The following TTC13 variants were observed in gnomAD, a reference collection of about 807,000 sequenced individuals.
TTC13 encodes the protein tetratricopeptide repeat domain 13, also known as tetratricopeptide repeat protein 13.
A neutral mutation model predicts 120.0 loss-of-function variants in TTC13; 62 were observed. The ratio of observed to expected loss-of-function variants is 0.52; its 90% CI spans 0.42 to 0.64. The LOEUF (loss-of-function observed/expected upper bound fraction) is 0.64, where lower values mean the gene tolerates loss of function less well. Among genes scored for constraint, TTC13 ranks in the 30% least tolerant of loss-of-function variants. The pLI is 0.00. For missense variants in TTC13, 824 were observed against 1,050.2 expected, an observed-to-expected ratio of 0.78 and a Z score of 2.98; for synonymous variants, 384 against 393.5, an observed-to-expected ratio of 0.98 and a Z score of 0.28.
chr1:230,978,816 G>C lies in TTC13; in HGVS notation c.15C>G (p.Gly5=). 2.0e-6 allele frequency: 3 copies of C among 1,482,582 alleles called. No individual in the cohort carries two copies. Among genetic ancestry groups the C allele is most frequent in the Non-Finnish European group, 2.7e-6 (3 of 1,127,058 alleles). The allele number at this position is 1,482,582 out of a possible 1,614,324, so 91.8% of individuals were successfully genotyped here. MAPA[G]CCCCCCFWGG... ...CCCAGAAGCAGCAGCAGCAGCAGCA[G>C]CCGGCAGGTGCCATCTTCCCTCAAG... The change falls in exon 1 of 23, where the codon GGC becomes GGG. Residue 5 remains glycine, a synonymous_variant. Coordinates refer to ENST00000366661, the MANE Select transcript of TTC13 (RefSeq NM_024525.5). The surrounding 1 kb of genome is among the most constrained non-coding windows in gnomAD (Gnocchi z 5.6).
chr1:230,911,947 T>C (rs1307256194), intron 19 of TTC13, among the ~76,000 whole-genome samples: 2 of 152,206 alleles, frequency 1.3e-5, no homozygotes, highest in Admixed American at 1.3e-4. Flanking sequence ...CTACTCCGCA[T>C]TGAGATTTGG....
At chr1:230,935,160 T>C (rs1673925309) in intron 8 of TTC13, among the ~76,000 whole-genome samples, 1 of 152,244 alleles carries the variant, frequency 6.6e-6, no homozygotes, top group African/African-American at 2.4e-5. Flanking sequence ...CTTCTTGCCA[T>C]GGTGTAACCT....
chr1:230,909,298 G>GT (rs1671253174), intron 20 of TTC13, among the ~76,000 whole-genome samples: 1 of 152,020 alleles, frequency 6.6e-6, no homozygotes, highest in South Asian at 2.1e-4. Context: ...GAGGTCAGGA[G>GT]TTTGACAGCA....
At chr1:230,930,065 G>T (rs1229285428) in intron 11 of TTC13, among the ~76,000 whole-genome samples, 1 of 152,168 alleles carries the variant, frequency 6.6e-6, no homozygotes, top group Non-Finnish European at 1.5e-5. Context: ...TTCAGTGCAT[G>T]TGGAACAACT....
intron 17 of TTC13, among the ~76,000 whole-genome samples, chr1:230,917,340 G>A (rs1672129284): frequency 6.6e-6 from 1 of 152,242 alleles, no homozygotes; most frequent in Non-Finnish European, 1.5e-5. Context: ...GTCCCAGCCA[G>A]CAGGGAAGCC....
intron 6 of TTC13, among the ~76,000 whole-genome samples, chr1:230,941,476 A>T (rs1378863179): frequency 6.6e-6 from 1 of 151,970 alleles, no homozygotes; most frequent in East Asian, 1.9e-4. Context: ...ATTTTTTAAA[A>T]TTTTTTGCAG....
chr1:230,958,138 C>T, intron 3 of TTC13, 86 bp downstream of exon 3: 1 of 1,414,742 alleles, frequency 7.1e-7, no homozygotes, highest in Non-Finnish European at 9.9e-7. Flanking sequence ...AGTCTCTCTA[C>T]TCCTTACCAT....
Position 230,906,593 on chromosome 1 carries a change from T to C in TTC13, c.*312A>G, listed in dbSNP as rs569440998. On this transcript the variant is annotated 3_prime_UTR_variant, in exon 23 of 23. Coordinates refer to ENST00000366661, the MANE Select transcript of TTC13 (RefSeq NM_024525.5). ...GTTTTTGTTCATCTTCAGTATTATA[T>C]TTTAGTTGTTGAGGAAAATTTTTTT... 1 of 169,166 alleles carries C rather than the reference T, an allele frequency of 5.9e-6. No homozygotes were observed. Among genetic ancestry groups the C allele is most frequent in the Non-Finnish European group, 1.3e-5 (1 of 79,258 alleles). The allele number at this position is 169,166 out of a possible 1,614,324, so 10.5% of individuals were successfully genotyped here.
intron 1 of TTC13, among the ~76,000 whole-genome samples, chr1:230,974,692 C>T (rs1047814964): frequency 6.6e-6 from 1 of 152,050 alleles, no homozygotes; most frequent in Non-Finnish European, 1.5e-5. Context: ...CTTATTTCTT[C>T]CCTCACCAAG....
intron 15 of TTC13, among the ~76,000 whole-genome samples, chr1:230,921,907 C>T (rs569178059): frequency 2.0e-5 from 3 of 152,216 alleles, no homozygotes; most frequent in Non-Finnish European, 4.4e-5. Flanking sequence ...CACTAGCAGT[C>T]TCCTTTCCTC....
intron 15 of TTC13, among the ~76,000 whole-genome samples, chr1:230,923,534 A>G (rs1672782448): frequency 6.6e-6 from 1 of 152,044 alleles, no homozygotes; most frequent in South Asian, 2.1e-4. Context: ...CCATCTAATA[A>G]TTTTCTATAT....
At chr1:230,953,778 T>G (rs1467143546) in intron 4 of TTC13, among the ~76,000 whole-genome samples, 1 of 152,230 alleles carries the variant, frequency 6.6e-6, no homozygotes, top group Non-Finnish European at 1.5e-5. Context: ...CTCTTATACA[T>G]GCAGTGCTTA....
chr1:230,915,909 C>CG lies in TTC13; in HGVS notation c.2093+283_2093+284insC, dbSNP rs546170891. Among the ~76,000 whole-genome samples, 285 of 151,512 alleles carry CG rather than the reference C, an allele frequency of 1.9e-3. 3 individuals carry two copies. Among genetic ancestry groups the CG allele is most frequent in the Non-Finnish European group, 3.1e-3 (212 of 67,874 alleles). ...ATTAGTAAAAGCCTCCCTCGCCCCC[C>CG]CAAGGAACTTCAAGAACCCAGAAGA... On this transcript the variant is annotated intron_variant, in intron 18 of 22. Coordinates refer to ENST00000366661, the MANE Select transcript of TTC13 (RefSeq NM_024525.5).
At chr1:230,922,420 A>G (rs1271557153) in intron 15 of TTC13, among the ~76,000 whole-genome samples, 4 of 152,088 alleles carry the variant, frequency 2.6e-5, no homozygotes, top group Non-Finnish European at 4.4e-5. Context: ...CTATTTTGCC[A>G]TCTTCTCCCA....
In TTC13 at chr1:230,978,497, G is replaced by A. The variant is rs1191154816; in HGVS notation, c.271+63C>T. 4.2e-6 allele frequency: 2 copies of A among 475,668 alleles called. No individual in the cohort carries two copies. The highest frequency in any genetic ancestry group is 4.7e-5 in the Admixed American group (1 of 21,328). 29.5% of individuals were successfully genotyped at this position (475,668 alleles called of 1,614,324 possible). ...GCCCGGGCGACCCGTACCCCGGCCC[G>A]GGACCCCAGCCCCGCTGCCCCGCCG... is the stretch of plus-strand genomic sequence containing the variant. On this transcript the variant is annotated intron_variant, in intron 1 of 22. Transcript: ENST00000366661. This position sits in a 1 kb window ranked among gnomAD's most constrained non-coding sequence, Gnocchi z 5.6.
chr1:230,916,122 T>G, intron 18 of TTC13, 71 bp downstream of exon 18: 1 of 1,133,606 alleles, frequency 8.8e-7, no homozygotes, highest in Non-Finnish European at 1.3e-6. Flanking sequence ...CAAAACTCTA[T>G]AGTGACAATA....
Position 230,912,705 on chromosome 1 carries a change from T to G in TTC13, c.2147A>C (p.Gln716Pro), listed in dbSNP as rs1671621387. ...VETQTTEERT[Q>P]LYHAEIDALY... ...TGCATCTATTTCAGCATGATATAAT[T>G]GTGTCCTTTCTTCCGTGGTTTGAGT... Residue 716 changes from glutamine (Q) to proline (P), a missense_variant, in exon 19 of 23, where the codon CAA (glutamine) becomes CCA (proline). By Grantham distance (76) the Gln-to-Pro change is moderately conservative. Coordinates refer to ENST00000366661, the MANE Select transcript of TTC13 (RefSeq NM_024525.5). 1 of 1,612,690 alleles carries G rather than the reference T, an allele frequency of 6.2e-7. No homozygotes were observed. Among genetic ancestry groups the G allele is most frequent in the African/African-American group, 1.3e-5 (1 of 74,896 alleles).
rs777806714 is a variant in TTC13, at chr1:230,931,495, G to A, written c.1126-23C>T. ...CCGCTGAGGACAAAATGCTGCATTAGTATCAACACAGTTTAGGAAAACTTT... is the reference window on the plus strand; with the variant it reads ...CCGCTGAGGACAAAATGCTGCATTAATATCAACACAGTTTAGGAAAACTTT... On this transcript the variant is annotated intron_variant, in intron 10 of 22. Transcript: ENST00000366661. 10 of 1,609,742 alleles carry A rather than the reference G, an allele frequency of 6.2e-6. No individual in the cohort carries two copies. In the South Asian group the frequency reaches 1.1e-4, roughly 18 times the overall value.
chr1:230,937,971 T>C (rs1220911760), intron 8 of TTC13, among the ~76,000 whole-genome samples: 1 of 152,226 alleles, frequency 6.6e-6, no homozygotes, highest in African/African-American at 2.4e-5. Context: ...ATTGCACTAA[T>C]ACGTATTGAG....
Sources: gnomAD v4.1 joint callset for allele counts (sites outside exome capture counted in the v4.1 genomes callset) on GRCh38, gnomAD v4.1.1 for gene constraint, Gnocchi (gnomAD v3.1) non-coding constraint, MANE v1.5 for transcripts, NCBI Gene and HGNC (gene_info 2026-07-23, HGNC 2026-07-21) for gene names.